The following AKNA variants were observed in gnomAD, a reference collection of about 807,000 sequenced individuals.
The protein encoded by AKNA is AT-hook transcription factor.
AKNA carries 67 observed loss-of-function variants against 138.8 expected under a neutral mutation model. That is an observed-to-expected ratio of 0.48 (90% CI 0.40 to 0.59). AKNA has a LOEUF of 0.59. Among genes scored for constraint, AKNA ranks in the 20% least tolerant of loss-of-function variants. The probability of loss-of-function intolerance (pLI) is 0.00; values close to 1 mark genes in which losing one functional copy is unlikely to be tolerated. For missense variants in AKNA, 1,813 were observed against 1,880.4 expected (o/e 0.96, Z 0.66); for synonymous variants, 737 against 754.4 (o/e 0.98, Z 0.38).
At chr9:114,330,847 A>C, downstream of AKNA, 2 of 1,613,846 alleles carry the variant, frequency 1.2e-6, no homozygotes, top group South Asian at 2.2e-5. Flanking sequence ...GGAGAATGGG[A>C]CCGTCTCCAG....
chr9:114,386,501 G>A (rs1834043835), intron 1 of AKNA, among the ~76,000 whole-genome samples: 1 of 152,122 alleles, frequency 6.6e-6, no homozygotes, highest in African/African-American at 2.4e-5. Context: ...CCCTCGTTAG[G>A]GCAGCAGGGC....
At chr9:114,368,136 C>A in intron 5 of AKNA, 1 of 330,414 alleles carries the variant, frequency 3.0e-6, no homozygotes, top group Non-Finnish European at 5.5e-6. Context: ...TGTGTCAAGG[C>A]TTAGCACAGG....
rs1248012955 is a variant in AKNA at position 114,335,038 on chromosome 9, G to A, written c.*2016C>T. The A allele has an allele frequency of 6.6e-6, 1 of 152,262 alleles. No individual in the cohort carries two copies. Among genetic ancestry groups the A allele is most frequent in the Admixed American group, 6.5e-5 (1 of 15,286 alleles). The allele number at this position is 152,262 out of a possible 1,614,324, so 9.4% of individuals were successfully genotyped here. ...ACCTACAGGAAGTTTGTCCATTTCA[G>A]TGTTACTTTCAGTGAGACACCATTT... is the stretch of plus-strand genomic sequence containing the variant. On this transcript the variant is annotated 3_prime_UTR_variant, in exon 22 of 22. Transcript: ENST00000374088.
chr9:114,362,384 G>T (rs746468626), intron 8 of AKNA, 22 bp downstream of exon 8: 2 of 1,603,000 alleles, frequency 1.2e-6, no homozygotes, highest in Non-Finnish European at 1.7e-6. Flanking sequence ...TGTCCTTCCA[G>T]GCCTTCCACC....
chr9:114,345,989 A>C lies in AKNA; in HGVS notation c.3535T>G (p.Ser1179Ala), dbSNP rs1197442108. The C allele has an allele frequency of 6.2e-7, 1 of 1,613,014 alleles. No individual in the cohort carries two copies. Among genetic ancestry groups the C allele is most frequent in the Non-Finnish European group, 8.5e-7 (1 of 1,179,524 alleles). Residue 1179 changes from serine to alanine, a missense_variant, in exon 18 of 22, where the codon TCC becomes GCC. Physicochemically the swap from Ser to Ala is moderately conservative, Grantham distance 99 (BLOSUM62 1). Transcript: ENST00000374088. ...CTCTTCTCAGAGAACAGTGGTAGGG[A>C]GGGCAGCTCAGATTCTGAACCTGGG... ...LSLSSESELP[S>A]LPLFSEKSKT... is the part of the protein sequence containing the mutation.
intron 3 of AKNA, among the ~76,000 whole-genome samples, chr9:114,375,736 G>A (rs1202988292): frequency 6.6e-6 from 1 of 152,080 alleles, no homozygotes; most frequent in Non-Finnish European, 1.5e-5. Flanking sequence ...TGTGGATGCG[G>A]GGGGTAGGTA....
chr9:114,386,270 C>T (rs1219618985), intron 1 of AKNA, among the ~76,000 whole-genome samples: 3 of 151,844 alleles, frequency 2.0e-5, no homozygotes, highest in Non-Finnish European at 2.9e-5. Flanking sequence ...AGATTTTAAA[C>T]GGTGGGGGGT....
chr9:114,375,599 A>G (rs1019766371), intron 3 of AKNA, among the ~76,000 whole-genome samples: 1 of 152,180 alleles, frequency 6.6e-6, no homozygotes, highest in African/African-American at 2.4e-5. Flanking sequence ...ATCTTTAGAC[A>G]TACACACACT....
intron 1 of AKNA, among the ~76,000 whole-genome samples, 154 bp from the exon 2 acceptor site, chr9:114,381,600 G>A (rs1196028604): frequency 6.7e-6 from 1 of 148,794 alleles, no homozygotes; most frequent in Non-Finnish European, 1.5e-5. Context: ...AAGTCACTCT[G>A]CCTTCATTTT....
At chr9:114,381,655 G>GT (rs1160552279) in intron 1 of AKNA, among the ~76,000 whole-genome samples, 20,206 of 81,526 alleles carry the variant, frequency 0.25, 4,118 homozygotes, top group East Asian at 0.38. Flanking sequence ...TCTCTCCAGG[G>GT]TTTTTTTTTT....
intron 21 of AKNA, among the ~76,000 whole-genome samples, chr9:114,338,422 T>C (rs935780185): frequency 3.3e-5 from 5 of 152,224 alleles, no homozygotes; most frequent in African/African-American, 1.2e-4. Context: ...GCACTGCTGG[T>C]GGGAATGTAA....
chr9:114,342,186 C>A (rs968697218), intron 19 of AKNA, 61 bp from the exon 20 acceptor site: 8 of 1,245,500 alleles, frequency 6.4e-6, no homozygotes, highest in Non-Finnish European at 7.7e-6. Context: ...ATCAGGAGCC[C>A]CCATGCAGGC....
chr9:114,330,831 C>T (rs201669865), downstream of AKNA: 138 of 1,613,768 alleles, frequency 8.6e-5, no homozygotes, highest in Non-Finnish European at 1.1e-4. Context: ...ACCTGAATGT[C>T]CAGCGGGAGA....
intron 21 of AKNA, among the ~76,000 whole-genome samples, chr9:114,339,537 T>G (rs1339366231): frequency 6.6e-6 from 1 of 152,244 alleles, no homozygotes; most frequent in Non-Finnish European, 1.5e-5. Context: ...CATCCTGAGT[T>G]GGAAACAGCA....
rs1831472372 is a variant in AKNA at position 114,355,977 on chromosome 9, G to A, written c.3006C>T (p.Leu1002=). ...GGCTGAAGTTGGGTGCCCTCTGCCG[G>A]AGAGGCCCACTTGGGCTGGAGAGGT... is the stretch of plus-strand genomic sequence containing the variant. ...QRYLSSPSGP[L]RQRAPNFSLE... is the part of the protein sequence containing the mutation. The change falls in exon 14 of 22, where the codon CTC becomes CTT. Residue 1002 remains leucine (L), a synonymous_variant. Coordinates refer to ENST00000374088, the MANE Select transcript of AKNA (RefSeq NM_001317950.2). 6.2e-7 allele frequency: 1 copy of A among 1,614,212 alleles called. No individual in the cohort carries two copies. The highest frequency in any genetic ancestry group is 8.5e-7 in the Non-Finnish European group (1 of 1,180,042).
chr9:114,380,630 C>T (rs1833569170), intron 2 of AKNA, among the ~76,000 whole-genome samples: 1 of 152,032 alleles, frequency 6.6e-6, no homozygotes, highest in South Asian at 2.1e-4. Context: ...TTTTTAATTA[C>T]AGACTTTGTA....
At chr9:114,331,649 G>A, downstream of AKNA, 2 of 1,613,892 alleles carry the variant, frequency 1.2e-6, no homozygotes, top group Non-Finnish European at 1.7e-6. Context: ...TGGACGATGA[G>A]AAGAACTGGG....
chr9:114,359,296 T>C, intron 11 of AKNA: 1 of 486,574 alleles, frequency 2.1e-6, no homozygotes, highest in South Asian at 2.3e-5. Context: ...CTTGAACTCC[T>C]GGACTCAAGT....
chr9:114,335,774 A>C lies in AKNA; in HGVS notation c.*1280T>G, dbSNP rs1368168796. On this transcript the variant is annotated 3_prime_UTR_variant, in exon 22 of 22. Transcript: ENST00000374088. ...CAACCAGAGCAAAACTCAGTCTCAA[A>C]AAAAAAAAAAAAAAGAAAAAGAAAA... The C allele has an allele frequency of 1.4e-5, 1 of 73,290 alleles. No homozygotes were observed. The highest frequency in any genetic ancestry group is 1.1e-4 in the Admixed American group (1 of 8,712). The allele number at this position is 73,290 out of a possible 1,614,324, so 4.5% of individuals were successfully genotyped here. A position where few individuals can be genotyped will look rare whatever the true frequency, so the allele number is the denominator to read the frequency against.
Sources: allele counts gnomAD v4.1 joint callset (sites outside exome capture counted in the v4.1 genomes callset), GRCh38; gene constraint gnomAD v4.1.1; transcripts MANE v1.5; gene names NCBI Gene and HGNC (gene_info 2026-07-23, HGNC 2026-07-21).